FSTL4: variants seen among roughly 807,000 people sequenced by gnomAD.
FSTL4 encodes follistatin like 4.
Under a neutral mutation model 78.2 loss-of-function variants are expected in FSTL4, and 28 were observed. The observed-to-expected ratio is 0.36, with a 90% CI of 0.27 to 0.49. The LOEUF is 0.49. Among genes scored for constraint, FSTL4 ranks in the 20% least tolerant of loss-of-function variants. The pLI is 0.98. For synonymous variants in FSTL4, 422 were observed against 440.5 expected (o/e 0.96, Z 0.53); for missense variants, 922 against 1,084.9 (o/e 0.85, Z 2.11).
intron 3 of FSTL4, among the ~76,000 whole-genome samples, chr5:133,455,768 G>A (rs1004395669): frequency 1.3e-5 from 2 of 152,212 alleles, no homozygotes; most frequent in South Asian, 4.1e-4. Context: ...GCAAAGGGTT[G>A]GTGACATGGA....
At chr5:133,267,416 C>T (rs920719015) in intron 6 of FSTL4, among the ~76,000 whole-genome samples, 1 of 152,176 alleles carries the variant, frequency 6.6e-6, no homozygotes, top group African/African-American at 2.4e-5. Context: ...ACGCTCATAT[C>T]CACAGCCGCA....
chr5:133,471,740 G>C (rs946413403), intron 3 of FSTL4, among the ~76,000 whole-genome samples: 2 of 152,174 alleles, frequency 1.3e-5, no homozygotes, highest in Non-Finnish European at 2.9e-5. Context: ...TAGATTAAAT[G>C]GGTCACCCAC....
the FSTL4 span, among the ~76,000 whole-genome samples, chr5:133,729,063 T>A: frequency 6.6e-6 from 1 of 152,174 alleles, no homozygotes. Context: ...ATAGGCCCAG[T>A]TCAGCCACAT....
intron 2 of FSTL4, 21 bp downstream of exon 2, chr5:133,603,837 T>G (rs370755920): frequency 1.9e-6 from 3 of 1,612,288 alleles, no homozygotes. Context: ...AAATGTTATG[T>G]CCGCAGGGAT....
intron 3 of FSTL4, among the ~76,000 whole-genome samples, chr5:133,546,794 T>C (rs1225150351): frequency 3.3e-5 from 5 of 152,134 alleles, no homozygotes; most frequent in African/African-American, 1.2e-4. Flanking sequence ...CATTCCAGCG[T>C]AGCACTCCTC....
At chr5:133,409,595 C>T (rs887515068) in intron 3 of FSTL4, among the ~76,000 whole-genome samples, 46 of 152,328 alleles carry the variant, frequency 3.0e-4, no homozygotes, top group African/African-American at 1.0e-3. Flanking sequence ...GCCCCAGCAG[C>T]GCCTTCACAG....
At chr5:133,529,555 A>T (rs1454432427) in intron 3 of FSTL4, among the ~76,000 whole-genome samples, 4 of 152,218 alleles carry the variant, frequency 2.6e-5, no homozygotes, top group Non-Finnish European at 5.9e-5. Context: ...ATTTTAATTT[A>T]TTGAATTCTC....
At chr5:133,292,900 C>T (rs1243355649) in intron 6 of FSTL4, among the ~76,000 whole-genome samples, 1 of 152,218 alleles carries the variant, frequency 6.6e-6, no homozygotes, top group Non-Finnish European at 1.5e-5. Context: ...TAAGGGGCAG[C>T]CTTCGTGGTC....
At chr5:133,521,802 A>AC (rs1199748901) in intron 3 of FSTL4, among the ~76,000 whole-genome samples, 11 of 152,134 alleles carry the variant, frequency 7.2e-5, no homozygotes, top group African/African-American at 2.4e-4. Flanking sequence ...CAGCCATGAC[A>AC]CTGCACCCAT....
chr5:133,307,783 CTTT>C (rs61206159), intron 6 of FSTL4, among the ~76,000 whole-genome samples: 2 of 137,216 alleles, frequency 1.5e-5, no homozygotes, highest in Non-Finnish European at 1.5e-5. Flanking sequence ...TCCCAATTTT[CTTT>C]TTTTTTTTTT....
At chr5:133,469,805 C>A (rs1402496285) in intron 3 of FSTL4, among the ~76,000 whole-genome samples, 1 of 152,108 alleles carries the variant, frequency 6.6e-6, no homozygotes, top group Admixed American at 6.5e-5. Flanking sequence ...CAGTCCACAG[C>A]CCACAGCCCA....
chr5:133,701,468 A>AACACACACACACACACACAC, the FSTL4 span, among the ~76,000 whole-genome samples: 30 of 129,086 alleles, frequency 2.3e-4, no homozygotes, highest in South Asian at 5.3e-4. Context: ...AAGACACAGA[A>AACACACACACACACACACAC]ACACACACAC....
the FSTL4 span, among the ~76,000 whole-genome samples, chr5:133,760,736 A>G: frequency 6.6e-6 from 1 of 152,238 alleles, no homozygotes; most frequent in Non-Finnish European, 1.5e-5. Context: ...TGCTAGAGTG[A>G]GAAAAAGGAA....
At chr5:133,619,730 G>A in the FSTL4 span, among the ~76,000 whole-genome samples, 41 of 152,282 alleles carry the variant, frequency 2.7e-4, no homozygotes, top group African/African-American at 9.4e-4. Flanking sequence ...ACATGAACAG[G>A]ATGCTTTAAA....
At chr5:133,279,299 G>A (rs374408558) in intron 6 of FSTL4, among the ~76,000 whole-genome samples, 3 of 152,190 alleles carry the variant, frequency 2.0e-5, no homozygotes, top group Admixed American at 1.3e-4. Flanking sequence ...ACCCTATAGC[G>A]AACTGTGCAT....
the FSTL4 span, among the ~76,000 whole-genome samples, chr5:133,643,834 G>A: frequency 1.3e-5 from 2 of 152,166 alleles, no homozygotes; most frequent in Non-Finnish European, 2.9e-5. Flanking sequence ...ATCGAATGAA[G>A]CCAGTATTAC....
At position 133,488,595 on chromosome 5, in the gene FSTL4, C is replaced by T. The variant is rs149001821; in HGVS notation, c.160+78591G>A. On this transcript the variant is annotated intron_variant, in intron 3 of 15. Coordinates refer to ENST00000265342, the MANE Select transcript of FSTL4 (RefSeq NM_015082.2). ...GTAAGAAATCTACACAGATTGATGA[C>T]GGGACATGTCCTTTCATGTGTAGGG... Among the ~76,000 whole-genome samples the T allele has an allele frequency of 9.6e-4, 146 of 152,320 alleles. 1 individual carries two copies. Among genetic ancestry groups the T allele is most frequent in the East Asian group, 5.0e-3 (26 of 5,184 alleles).
At chr5:133,649,880 C>T in the FSTL4 span, among the ~76,000 whole-genome samples, 6 of 152,050 alleles carry the variant, frequency 3.9e-5, no homozygotes, top group East Asian at 1.2e-3. Flanking sequence ...GTATTTTAGT[C>T]CATTTTGTGT....
At chr5:133,355,067 A>C (rs1355935020) in intron 4 of FSTL4, among the ~76,000 whole-genome samples, 2 of 152,186 alleles carry the variant, frequency 1.3e-5, no homozygotes, top group Admixed American at 1.3e-4. Context: ...AGCCCTAAGC[A>C]GTTGTTGGTA....
Sources: allele counts gnomAD v4.1 joint callset (sites outside exome capture counted in the v4.1 genomes callset), GRCh38; gene constraint gnomAD v4.1.1; transcripts MANE v1.5; gene names NCBI Gene and HGNC (gene_info 2026-07-23, HGNC 2026-07-21).